The following NLRP12 variants were observed in gnomAD, a reference collection of about 807,000 sequenced individuals.
NLRP12 encodes NACHT, LRR and PYD domains-containing protein 12.
A neutral mutation model predicts 91.2 loss-of-function variants in NLRP12; 108 were observed. The observed-to-expected ratio is 1.18, with a 90% CI of 1.01 to 1.39. The LOEUF is 1.39. Among genes scored for constraint, NLRP12 ranks in the 40% most tolerant of loss-of-function variants. NLRP12 has a pLI of 0.00. For missense variants in NLRP12, 1,530 were observed against 1,352.7 expected, an observed-to-expected ratio of 1.13 and a Z score of -2.06; for synonymous variants, 613 against 566.7, an observed-to-expected ratio of 1.08 and a Z score of -1.16.
chr19:53,816,378 C>A (rs564909730), intron 1 of NLRP12, among the ~76,000 whole-genome samples: 1 of 151,924 alleles, frequency 6.6e-6, no homozygotes, highest in East Asian at 1.9e-4. Flanking sequence ...CACAGCCCGC[C>A]CCCCCCAACA....
At chr19:53,818,272 C>T (rs2092192963) in intron 1 of NLRP12, among the ~76,000 whole-genome samples, 1 of 151,914 alleles carries the variant, frequency 6.6e-6, no homozygotes, top group South Asian at 2.1e-4. Flanking sequence ...AGGGGTTTTG[C>T]CATGTTGCCT....
At chr19:53,816,450 G>C (rs1480540832) in intron 1 of NLRP12, among the ~76,000 whole-genome samples, 1 of 151,674 alleles carries the variant, frequency 6.6e-6, no homozygotes, top group Admixed American at 6.6e-5. Flanking sequence ...GAGTCTGTGT[G>C]ACTAATAAAC....
At chr19:53,813,648 G>C (rs2092115092) in intron 2 of NLRP12, among the ~76,000 whole-genome samples, 3 of 150,980 alleles carry the variant, frequency 2.0e-5, no homozygotes, top group Admixed American at 1.3e-4. Flanking sequence ...ACTACTCTAG[G>C]TGCCTTAGAT....
intron 3 of NLRP12, chr19:53,808,092 C>A (rs2091992558): frequency 2.9e-6 from 1 of 349,972 alleles, no homozygotes; most frequent in Admixed American, 3.8e-5. Context: ...AGGGCCTTGC[C>A]CTGTTGTCTA....
At chr19:53,803,339 G>A (rs1486364667) in intron 6 of NLRP12, among the ~76,000 whole-genome samples, 2 of 150,548 alleles carry the variant, frequency 1.3e-5, no homozygotes, top group Non-Finnish European at 3.0e-5. Context: ...GTGCCACCAC[G>A]CCTGGCTAAT....
intron 1 of NLRP12, among the ~76,000 whole-genome samples, chr19:53,818,697 A>T (rs1005371807): frequency 3.9e-5 from 6 of 152,028 alleles, no homozygotes; most frequent in Non-Finnish European, 7.4e-5. Context: ...AAAAAAGGTA[A>T]TTCTTGAAAA....
chr19:53,796,568 GA>G (rs2091765344), intron 8 of NLRP12, among the ~76,000 whole-genome samples: 1 of 152,060 alleles, frequency 6.6e-6, no homozygotes. Context: ...ATCTTTAGTG[GA>G]GAGGGGATTT....
Position 53,823,304 on chromosome 19 carries a change from GTATATTTATATAATAAATATATAC to G in NLRP12, c.289+558_289+581del, listed in dbSNP as rs1158597689. ...TAATATACCATATTTATATAATATA[GTATATTTATATAATAAATATATAC>G]TATATTTATATATAATATATACCAT... On this transcript the variant is annotated intron_variant, in intron 1 of 9. Transcript: ENST00000324134. Among the ~76,000 whole-genome samples the G allele has an allele frequency of 8.3e-4, 105 of 127,116 alleles. 1 individual carries two copies. Among genetic ancestry groups the G allele is most frequent in the African/African-American group, 3.0e-3 (98 of 33,100 alleles). 83.4% of individuals were successfully genotyped at this position (127,116 alleles called of 152,430 possible). A position where few individuals can be genotyped will look rare whatever the true frequency, so the allele number is the denominator to read the frequency against.
rs112581763 is a variant in NLRP12 at position 53,821,653 on chromosome 19, G to A, written c.289+2233C>T. The stretch of plus-strand genomic sequence containing the variant: ...ACTGCACTCCAGCCTGGGCGACAGA[G>A]CAAGACTCTGTTTCAACAACAACAA... On this transcript the variant is annotated intron_variant, in intron 1 of 9. Transcript: ENST00000324134. Among the ~76,000 whole-genome samples the A allele has an allele frequency of 3.7e-3, 568 of 152,128 alleles. 7 individuals are homozygous for A. The highest frequency in any genetic ancestry group is 0.012 in the African/African-American group (504 of 41,518).
Position 53,793,914 on chromosome 19 carries a change from G to A in NLRP12, c.*135C>T. 1.3e-6 allele frequency: 1 copy of A among 750,086 alleles called. No individual in the cohort carries two copies. Among genetic ancestry groups the A allele is most frequent in the East Asian group, 2.6e-5 (1 of 39,058 alleles). The allele number at this position is 750,086 out of a possible 1,614,324, so 46.5% of individuals were successfully genotyped here. On this transcript the variant is annotated 3_prime_UTR_variant, in exon 10 of 10. Coordinates refer to ENST00000324134, the MANE Select transcript of NLRP12 (RefSeq NM_144687.4). ...CTGTCAAACATTAATTTGATCCCAA[G>A]CAGAGGGACTTTTGATCTCAATCTG...
At chr19:53,808,390 A>C (rs1380888129) in intron 3 of NLRP12, 2 of 157,712 alleles carry the variant, frequency 1.3e-5, no homozygotes, top group African/African-American at 2.4e-5. Context: ...TGGCTTATTC[A>C]CACAGTCTTC....
At chr19:53,806,729 A>G (rs2091965385) in intron 4 of NLRP12, among the ~76,000 whole-genome samples, 1 of 146,334 alleles carries the variant, frequency 6.8e-6, no homozygotes, top group South Asian at 2.2e-4. Flanking sequence ...GTGGTTGCAC[A>G]TGCTTGTTTT....
chr19:53,797,602 G>A (rs1002408643), intron 8 of NLRP12, among the ~76,000 whole-genome samples: 10 of 148,862 alleles, frequency 6.7e-5, no homozygotes, highest in Admixed American at 6.7e-5. Context: ...TATTTTTGTA[G>A]AATGGTGTTT....
intron 7 of NLRP12, 97 bp downstream of exon 7, chr19:53,801,130 G>T: frequency 1.8e-6 from 2 of 1,119,936 alleles, no homozygotes; most frequent in Non-Finnish European, 2.7e-6. Flanking sequence ...AGTAGCTAGA[G>T]TTTAGGAGCA....
Position 53,819,604 on chromosome 19 carries a change from T to TATATGCGTAC in NLRP12, c.289+4281_289+4282insGTACGCATAT, listed in dbSNP as rs1568696420. ...ATGTATGTATACGTATATACGCATA[T>TATATGCGTAC]ATATGTATGTATACGTATATACGCG... On this transcript the variant is annotated intron_variant, in intron 1 of 9. Transcript: ENST00000324134. Among the ~76,000 whole-genome samples, 109 of 63,984 alleles carry TATATGCGTAC rather than the reference T, an allele frequency of 1.7e-3. 13 individuals are homozygous for TATATGCGTAC. Among genetic ancestry groups the TATATGCGTAC allele is most frequent in the African/African-American group, 6.8e-3 (99 of 14,652 alleles). The allele number at this position is 63,984 out of a possible 152,430, so 42.0% of individuals were successfully genotyped here. A position where few individuals can be genotyped will look rare whatever the true frequency, so the allele number is the denominator to read the frequency against.
At chr19:53,800,239 A>C (rs1387673904) in intron 7 of NLRP12, among the ~76,000 whole-genome samples, 1 of 151,930 alleles carries the variant, frequency 6.6e-6, no homozygotes, top group Non-Finnish European at 1.5e-5. Context: ...CGGGAGGTGG[A>C]GCTCGCAGTA....
At chr19:53,805,475 A>T in intron 4 of NLRP12, 25 bp from the exon 5 acceptor site, 11 of 1,608,480 alleles carry the variant, frequency 6.8e-6, no homozygotes, top group Non-Finnish European at 9.3e-6. Flanking sequence ...AGGAGAAAGG[A>T]GCTGGTCATT....
In NLRP12 at chr19:53,795,853, C is replaced by A. The variant is rs765100013; in HGVS notation, c.3098+6G>T. 3.1e-6 allele frequency: 5 copies of A among 1,613,848 alleles called. No individual in the cohort carries two copies. In the Admixed American group the frequency reaches 8.3e-5, roughly 27 times the overall value. ...CCTCCAGAAAGAACTGGTCATCATCCCTCACCAGAGGACTCGGAGTTTGCA... is the reference window on the plus strand; with the variant it reads ...CCTCCAGAAAGAACTGGTCATCATCACTCACCAGAGGACTCGGAGTTTGCA... On this transcript the variant is annotated splice_donor_region_variant and intron_variant, in intron 9 of 9. Coordinates refer to ENST00000324134, the MANE Select transcript of NLRP12 (RefSeq NM_144687.4).
chr19:53,811,363 T>C (rs2092073638), intron 2 of NLRP12, 75 bp from the exon 3 acceptor site: 1 of 1,542,314 alleles, frequency 6.5e-7, no homozygotes, highest in Admixed American at 1.7e-5. Flanking sequence ...AAAGCGCTCC[T>C]CATGTGGCTC....
Sources: gnomAD v4.1 joint callset for allele counts (sites outside exome capture counted in the v4.1 genomes callset) on GRCh38, gnomAD v4.1.1 for gene constraint, MANE v1.5 for transcripts, NCBI Gene and HGNC (gene_info 2026-07-23, HGNC 2026-07-21) for gene names.